The following RYR1 variants were observed in gnomAD, a reference collection of about 807,000 sequenced individuals.
The protein encoded by RYR1 is ryanodine receptor 1, also known as central core disease of muscle.
RYR1 carries 342 observed loss-of-function variants against 583.5 expected under a neutral mutation model. The ratio of observed to expected loss-of-function variants is 0.59; its 90% confidence interval spans 0.54 to 0.64. The LOEUF is 0.64. RYR1 is among the 30% of genes least tolerant of loss of function. The pLI is 0.00. For synonymous variants in RYR1, 2,791 were observed against 2,822.5 expected, an observed-to-expected ratio of 0.99 and a Z score of 0.35; for missense variants, 6,032 against 6,917.2, an observed-to-expected ratio of 0.87 and a Z score of 4.54.
intron 3 of RYR1, among the ~76,000 whole-genome samples, 155 bp downstream of exon 3, chr19:38,442,608 C>T (rs1972748067): frequency 6.6e-6 from 1 of 152,114 alleles, no homozygotes; most frequent in Non-Finnish European, 1.5e-5. Flanking sequence ...CACAGGCCCT[C>T]AATTTGGATA....
chr19:38,498,977 C>A, intron 42 of RYR1, 131 bp from the exon 43 acceptor site: 1 of 1,205,452 alleles, frequency 8.3e-7, no homozygotes, highest in Non-Finnish European at 1.2e-6. Flanking sequence ...AGGACCAGGG[C>A]TAATGGGCCG....
rs1234513425 is a variant in RYR1 at position 38,543,538 on chromosome 19, A to G, written c.11785A>G (p.Ile3929Val). 6 of 1,613,070 alleles carry G rather than the reference A, an allele frequency of 3.7e-6. No individual in the cohort carries two copies. In the African/African-American group the frequency reaches 6.7e-5, roughly 18 times the overall value. Residue 3929 changes from isoleucine (I) to valine (V), a missense_variant, in exon 86 of 106, where the codon ATC (isoleucine) becomes GTC (valine). Coordinates refer to ENST00000359596, the MANE Select transcript of RYR1 (RefSeq NM_000540.3). The surrounding 1 kb of genome is among the most constrained non-coding windows in gnomAD (Gnocchi z 4.4). ...CCCTACCCGCCCCCACCAGGAATCC[A>G]TCAGCGACTTCTACTGGTACTACTC... ...VDYLLRLQES[I>V]SDFYWYYSGK...
intron 22 of RYR1, 31 bp from the exon 23 acceptor site, chr19:38,464,608 T>G: frequency 1.3e-6 from 2 of 1,551,500 alleles, no homozygotes; most frequent in Non-Finnish European, 1.7e-6. Context: ...CTGAGGGGCG[T>G]GACCTGTCGC....
chr19:38,584,804 G>A (rs1194242777), intron 101 of RYR1, 139 bp from the exon 102 acceptor site: 14 of 953,038 alleles, frequency 1.5e-5, no homozygotes, highest in Non-Finnish European at 2.3e-5. Flanking sequence ...GTCTGATGCC[G>A]TATCTGTGAG....
At chr19:38,578,876 C>T (rs767291230) in intron 99 of RYR1, among the ~76,000 whole-genome samples, 81 of 150,728 alleles carry the variant, frequency 5.4e-4, no homozygotes, top group Middle Eastern at 3.5e-3. Context: ...CTTTGGGAGG[C>T]GGAGGCAGAG....
At position 38,455,467 on chromosome 19, in the gene RYR1, C is replaced by T. The variant is rs927675372; in HGVS notation, c.1593C>T (p.Gly531=). The T allele has an allele frequency of 8.7e-6, 14 of 1,614,044 alleles. No homozygotes were observed. The African/African-American group carries it at 1.7e-4, about 20-fold the overall frequency. Residue 531 remains glycine, a synonymous_variant, in exon 15 of 106, where the codon GGC becomes GGT. Transcript: ENST00000359596. ...LYELLASLIR[G]NRSNCALFST... Reference sequence around the variant, plus strand: ...CCCCCTCAGCTTCTCTAATCCGTGGCAATCGTAGCAACTGTGCCCTCTTCT... The same window carrying T: ...CCCCCTCAGCTTCTCTAATCCGTGGTAATCGTAGCAACTGTGCCCTCTTCT...
In RYR1 at chr19:38,494,600, G is replaced by C; in HGVS notation, c.6523G>C (p.Glu2175Gln). The C allele has an allele frequency of 6.2e-7, 1 of 1,614,118 alleles. No homozygotes were observed. Among genetic ancestry groups the C allele is most frequent in the Non-Finnish European group, 8.5e-7 (1 of 1,180,036 alleles). Residue 2175 changes from glutamate to glutamine, a missense_variant, in exon 39 of 106, where the codon GAG (glutamate) becomes CAG (glutamine). Physicochemically the swap from Glu to Gln is conservative, Grantham distance 29. Around this residue, in one of 11 missense-constraint regions of RYR1, gnomAD observed 2,627 missense variants for 2,961.3 expected, o/e 0.89. Coordinates refer to ENST00000359596, the MANE Select transcript of RYR1 (RefSeq NM_000540.3). Reference sequence around the variant, plus strand: ...CATCGTGCAGATGGGCCCCCAGGAGGAGAACCTCATGATCCAGAGCATCGG... The same window carrying C: ...CATCGTGCAGATGGGCCCCCAGGAGCAGAACCTCATGATCCAGAGCATCGG... ...LLIVQMGPQE[E>Q]NLMIQSIGNI... is the part of the protein sequence containing the mutation.
chr19:38,579,590 C>CAAA (rs1236481962), intron 99 of RYR1, among the ~76,000 whole-genome samples: 5 of 62,220 alleles, frequency 8.0e-5, no homozygotes, highest in African/African-American at 3.0e-4. Context: ...AACTCCATCT[C>CAAA]AAAAAAAAAA....
intron 92 of RYR1, 117 bp from the exon 93 acceptor site, chr19:38,567,656 G>A (rs1973505886): frequency 6.8e-7 from 1 of 1,466,982 alleles, no homozygotes; most frequent in South Asian, 1.2e-5. Flanking sequence ...CATGTACCCA[G>A]TACCATCCAA....
intron 73 of RYR1, chr19:38,528,024 A>C (rs892122344): frequency 1.5e-4 from 93 of 618,546 alleles, no homozygotes; most frequent in Middle Eastern, 4.3e-4. Context: ...GGTGGGGCCT[A>C]GAGGAGATGC....
intron 18 of RYR1, 101 bp from the exon 19 acceptor site, chr19:38,459,045 T>A (rs1222705659): frequency 5.8e-6 from 6 of 1,032,702 alleles, no homozygotes; most frequent in Non-Finnish European, 9.0e-6. Flanking sequence ...GTTTCCAGGA[T>A]GCAATCTCCA....
chr19:38,499,076 C>T lies in RYR1; in HGVS notation c.6892-32C>T, dbSNP rs376487107. The T allele has an allele frequency of 6.2e-7, 1 of 1,612,526 alleles. No homozygotes were observed. The highest frequency in any genetic ancestry group is 8.5e-7 in the Non-Finnish European group (1 of 1,179,166). ...GCCCCAGGAGGAAGGTGGCATGGGT[C>T]TGGTCTCTGACTGAGCCCCTTCTGC... is the stretch of plus-strand genomic sequence containing the variant. On this transcript the variant is annotated intron_variant, in intron 42 of 105. Transcript: ENST00000359596. The surrounding 1 kb of genome is among the most constrained non-coding windows in gnomAD (Gnocchi z 7.3).
chr19:38,511,663 C>T (rs1970732265), intron 61 of RYR1, 53 bp downstream of exon 61: 2 of 1,579,726 alleles, frequency 1.3e-6, no homozygotes, highest in African/African-American at 1.3e-5. Flanking sequence ...CTTCCCCACC[C>T]TGAAGAAATA....
At chr19:38,538,917 A>G (rs1236669889) in intron 84 of RYR1, among the ~76,000 whole-genome samples, 5 of 152,224 alleles carry the variant, frequency 3.3e-5, no homozygotes, top group South Asian at 2.1e-4. Flanking sequence ...ACCCAATGCC[A>G]TTTCCTATAA....
intron 28 of RYR1, 48 bp from the exon 29 acceptor site, chr19:38,475,270 G>A (rs942072546): frequency 1.6e-5 from 25 of 1,550,542 alleles, no homozygotes; most frequent in Non-Finnish European, 2.1e-5. Context: ...CGGTGGGAGG[G>A]CTGGGCTTGA....
chr19:38,552,495 C>T (rs1972706928), intron 89 of RYR1, among the ~76,000 whole-genome samples: 1 of 152,178 alleles, frequency 6.6e-6, no homozygotes, highest in African/African-American at 2.4e-5. Context: ...TCATGATCCA[C>T]CTGCCTCGGC....
In RYR1 at chr19:38,517,349, T is replaced by G. The variant is rs750021619; in HGVS notation, c.9686-10T>G. 6.2e-7 allele frequency: 1 copy of G among 1,612,402 alleles called. No individual in the cohort carries two copies. Among genetic ancestry groups the G allele is most frequent in the Admixed American group, 1.7e-5 (1 of 60,000 alleles). The stretch of plus-strand genomic sequence containing the variant: ...GCTTGACATTCCCTGCCCCCGTCCC[T>G]GTACCCCAGTCCTGGGGCTCCCCAA... On this transcript the variant is annotated splice_polypyrimidine_tract_variant and intron_variant, in intron 65 of 105. Transcript: ENST00000359596.
At chr19:38,477,568 A>G (rs1343411013) in intron 29 of RYR1, 142 bp from the exon 30 acceptor site, 1 of 938,024 alleles carries the variant, frequency 1.1e-6, no homozygotes, top group African/African-American at 1.6e-5. Flanking sequence ...AGACATAACC[A>G]GGGGGTGGGG....
chr19:38,537,179 A>C, intron 83 of RYR1: 1 of 271,606 alleles, frequency 3.7e-6, no homozygotes, highest in Non-Finnish European at 7.1e-6. Context: ...AGCGTTTCCC[A>C]TCCACCAACC....
Sources: allele counts gnomAD v4.1 joint callset (sites outside exome capture counted in the v4.1 genomes callset), GRCh38; gene constraint gnomAD v4.1.1; regional missense constraint gnomAD v4.1.1; non-coding constraint Gnocchi (gnomAD v3.1); transcripts MANE v1.5; gene names NCBI Gene and HGNC (gene_info 2026-07-23, HGNC 2026-07-21).